Variants in OFD1 observed in about 807,000 individuals in gnomAD.
OFD1 encodes OFD1 centriole and centriolar satellite protein.
Under a neutral mutation model 81.4 loss-of-function variants are expected in OFD1, and 12 were observed. The ratio of observed to expected loss-of-function variants is 0.15; its 90% CI spans 0.09 to 0.24. The LOEUF (loss-of-function observed/expected upper bound fraction) is 0.24, where lower values mean the gene tolerates loss of function less well. Ranked by LOEUF, OFD1 falls within the 10% of genes least tolerant of loss-of-function variation. OFD1 has a pLI of 1.00. For synonymous variants in OFD1, 256 were observed against 263.7 expected, an observed-to-expected ratio of 0.97 and a Z score of 0.28; for missense variants, 685 against 733.9, an observed-to-expected ratio of 0.93 and a Z score of 0.77.
intron 5 of OFD1, among the ~76,000 whole-genome samples, chrX:13,740,964 C>A (rs1949072031): frequency 1.8e-5 from 2 of 108,775 alleles, no homozygotes; most frequent in Non-Finnish European, 3.8e-5. Flanking sequence ...TGGTGAAACC[C>A]CGTCTCTACT....
At chrX:13,767,888 A>G in intron 20 of OFD1, 166 bp from the exon 21 acceptor site, 2 of 466,032 alleles carry the variant, frequency 4.3e-6, no homozygotes, top group South Asian at 3.3e-5. Flanking sequence ...TTGAGATGAC[A>G]TATTTGTCTT....
chrX:13,767,954 T>C (rs1348175095), intron 20 of OFD1, 100 bp from the exon 21 acceptor site: 3 of 840,450 alleles, frequency 3.6e-6, no homozygotes, highest in Non-Finnish European at 5.2e-6. Flanking sequence ...GCATACAGGC[T>C]GTACTTGAAG....
At chrX:13,772,710 A>T (rs896443039), downstream of OFD1, 1 of 364,138 alleles carries the variant, frequency 2.7e-6, no homozygotes, top group Non-Finnish European at 4.7e-6. Context: ...AAAGAAAAAG[A>T]TTTACCCACT....
At chrX:13,751,425 T>G (rs2047495738) in intron 10 of OFD1, 57 bp downstream of exon 10, 1 of 1,000,738 alleles carries the variant, frequency 1.0e-6, no homozygotes, top group Non-Finnish European at 1.4e-6. Context: ...GGTAGAAACA[T>G]AACAAAAACT....
intron 10 of OFD1, among the ~76,000 whole-genome samples, chrX:13,751,940 C>T (rs2047519270): frequency 8.9e-6 from 1 of 112,325 alleles, no homozygotes; most frequent in African/African-American, 3.2e-5. Flanking sequence ...TTTCAGGACA[C>T]CTTGTGACTT....
Position 13,768,216 on chromosome X carries a change from G to A in OFD1, c.2920G>A (p.Ala974Thr). The A allele has an allele frequency of 8.3e-7, 1 of 1,206,770 alleles. No individual in the cohort carries two copies. The highest frequency in any genetic ancestry group is 1.8e-5 in the South Asian group (1 of 56,906). ...CCAGCAGGAGCAAGACCAGGAGTCG[G>A]CAGATAAGGTGCCAGTGCCATGGGC... ...IIQQEQDQES[A>T]DKSSKKMVQE... Residue 974 changes from alanine (A) to threonine (T), a missense_variant, in exon 21 of 23, where the codon GCA (alanine) becomes ACA (threonine). Around this residue, in one of 3 missense-constraint regions of OFD1, gnomAD observed 259 missense variants for 254.4 expected, o/e 1.02. Coordinates refer to ENST00000340096, the MANE Select transcript of OFD1 (RefSeq NM_003611.3).
chrX:13,766,102 TTGG>T (rs1037231798), intron 19 of OFD1, among the ~76,000 whole-genome samples: 1 of 111,706 alleles, frequency 9.0e-6, no homozygotes, highest in African/African-American at 3.3e-5. Flanking sequence ...TCGTACAAAG[TTGG>T]TGGTGATGTA....
intron 3 of OFD1, among the ~76,000 whole-genome samples, chrX:13,738,053 T>C (rs2046941111): frequency 9.0e-6 from 1 of 111,497 alleles, no homozygotes; most frequent in African/African-American, 3.3e-5. Flanking sequence ...TTTCACCATG[T>C]TGGCCAGGCT....
intron 9 of OFD1, among the ~76,000 whole-genome samples, chrX:13,750,452 C>G (rs937344413): frequency 8.9e-6 from 1 of 111,830 alleles, no homozygotes; most frequent in Admixed American, 9.5e-5. Flanking sequence ...TGTAGCACTT[C>G]TCAGGATGGC....
the OFD1 span, among the ~76,000 whole-genome samples, chrX:13,722,791 C>T: frequency 1.6e-4 from 18 of 111,741 alleles, no homozygotes; most frequent in East Asian, 1.7e-3. Flanking sequence ...AGGCCAGGCG[C>T]GGTGGCTCAC....
rs937680564 is a variant in OFD1 at position 13,752,665 on chromosome X, G to T, written c.1056-703G>T. ...AAAGTATGTGTGTTAATTTTACATAGTTATGGAGCTAGTGAACTATTTGGT... is the reference window on the plus strand; with the variant it reads ...AAAGTATGTGTGTTAATTTTACATATTTATGGAGCTAGTGAACTATTTGGT... On this transcript the variant is annotated intron_variant, in intron 10 of 22. Transcript: ENST00000340096. The T allele has an allele frequency of 3.1e-6, 3 of 964,642 alleles. No homozygotes were observed. In the African/African-American group the frequency reaches 6.0e-5, roughly 19 times the overall value. The allele number at this position is 964,642 out of a possible 1,213,427, so 79.5% of individuals were successfully genotyped here. A position where few individuals can be genotyped will look rare whatever the true frequency, so the allele number is the denominator to read the frequency against.
chrX:13,758,878 C>T (rs909318856), intron 15 of OFD1, among the ~76,000 whole-genome samples: 1 of 111,391 alleles, frequency 9.0e-6, no homozygotes, highest in Non-Finnish European at 1.9e-5. Context: ...TTCTTTTGGA[C>T]CCGTTTTGAA....
chrX:13,769,935 A>G (rs943083033), downstream of OFD1, among the ~76,000 whole-genome samples: 4 of 112,275 alleles, frequency 3.6e-5, no homozygotes, highest in Admixed American at 2.8e-4. Flanking sequence ...ACCCAGTCTA[A>G]GGTATTTTGC....
chrX:13,734,532 G>T (rs980450702), upstream of OFD1: 14 of 304,511 alleles, frequency 4.6e-5, no homozygotes, highest in Non-Finnish European at 6.4e-5. Context: ...TACCTGCAGT[G>T]GGAGGCCGAC....
chrX:13,740,176 G>A (rs1253321323), intron 5 of OFD1: 2 of 967,791 alleles, frequency 2.1e-6, no homozygotes, highest in South Asian at 2.0e-5. Context: ...ATTCTGGACT[G>A]CCCGCAAACT....
At chrX:13,751,119 C>G (rs946947959) in intron 9 of OFD1, 130 bp from the exon 10 acceptor site, 13 of 576,208 alleles carry the variant, frequency 2.3e-5, no homozygotes, top group Non-Finnish European at 3.3e-5. Context: ...CTGGCTCTTT[C>G]CTTCTACTTC....
upstream of OFD1, chrX:13,734,153 C>G: frequency 2.0e-6 from 1 of 507,125 alleles, no homozygotes; most frequent in Non-Finnish European, 3.5e-6. Flanking sequence ...CTGGAGACAT[C>G]TTTGGTTGTC....
downstream of OFD1, chrX:13,771,500 CTTCCT>C (rs1470429060): frequency 8.9e-6 from 1 of 112,124 alleles, no homozygotes; most frequent in South Asian, 3.7e-4. Context: ...TAAAGGTATG[CTTCCT>C]TTCATTTGAA....
intron 21 of OFD1, among the ~76,000 whole-genome samples, chrX:13,768,489 T>A (rs2048216333): frequency 8.9e-6 from 1 of 112,193 alleles, no homozygotes. Flanking sequence ...AAAAGATCTA[T>A]CAAATGCATT....
Sources: allele counts gnomAD v4.1 joint callset (sites outside exome capture counted in the v4.1 genomes callset), GRCh38; gene constraint gnomAD v4.1.1; regional missense constraint gnomAD v4.1.1; transcripts MANE v1.5; gene names NCBI Gene and HGNC (gene_info 2026-07-23, HGNC 2026-07-21).